SCLT1: variants seen among roughly 807,000 people sequenced by gnomAD.
The protein encoded by SCLT1 is sodium channel and clathrin linker 1, also known as sodium channel-associated protein 1.
A neutral mutation model predicts 112.8 loss-of-function variants in SCLT1; 78 were observed. The observed-to-expected ratio is 0.69, with a 90% CI of 0.58 to 0.83. The LOEUF is 0.83. Among genes scored for constraint, SCLT1 ranks in the 40% least tolerant of loss-of-function variants. SCLT1 has a pLI of 0.00. For synonymous variants in SCLT1, 257 were observed against 254.7 expected, an observed-to-expected ratio of 1.01 and a Z score of -0.09; for missense variants, 747 against 770.4, an observed-to-expected ratio of 0.97 and a Z score of 0.36.
chr4:129,027,303 T>C, intron 5 of SCLT1, among the ~76,000 whole-genome samples: 1 of 152,156 alleles, frequency 6.6e-6, no homozygotes, highest in Admixed American at 6.5e-5. Flanking sequence ...AAATCCTCAA[T>C]AAAATACTGG....
At chr4:128,998,835 A>G (rs1416530042) in intron 7 of SCLT1, among the ~76,000 whole-genome samples, 2 of 151,916 alleles carry the variant, frequency 1.3e-5, no homozygotes, top group Non-Finnish European at 2.9e-5. Context: ...TATAATTACA[A>G]TAATAGGAAT....
At chr4:128,905,902 T>C (rs192979917) in intron 18 of SCLT1, among the ~76,000 whole-genome samples, 85 of 147,540 alleles carry the variant, frequency 5.8e-4, no homozygotes, top group African/African-American at 2.0e-3. Context: ...TCATACCACT[T>C]TAAACATCTT....
At chr4:129,043,216 G>A (rs1747869482) in intron 4 of SCLT1, among the ~76,000 whole-genome samples, 179 bp downstream of exon 4, 1 of 152,150 alleles carries the variant, frequency 6.6e-6, no homozygotes, top group Non-Finnish European at 1.5e-5. Flanking sequence ...CCAGCTAGAA[G>A]AGAATCTTTA....
chr4:129,033,513 A>T lies in SCLT1; in HGVS notation c.290+5528T>A, dbSNP rs1274421625. 6.6e-5 allele frequency among the ~76,000 whole-genome samples: 10 copies of T among 150,408 alleles called. 1 individual carries two copies. The highest frequency in any genetic ancestry group is 2.2e-4 in the African/African-American group (9 of 41,126). On this transcript the variant is annotated intron_variant, in intron 5 of 20. Transcript: ENST00000281142. ...CCCAGAACTTAAAGTAAAAAAAAAA[A>T]AAAAAAAAAAAAAAAAATTCAAATA...
intron 15 of SCLT1, among the ~76,000 whole-genome samples, chr4:128,946,638 A>G (rs1342023364): frequency 6.6e-6 from 1 of 152,230 alleles, no homozygotes; most frequent in Non-Finnish European, 1.5e-5. Context: ...TAATACAAAA[A>G]TGTAAAGCAG....
chr4:128,909,851 A>ATGAGGCAGACTGCAGATAAAT (rs1734957963), intron 18 of SCLT1, among the ~76,000 whole-genome samples: 1 of 152,244 alleles, frequency 6.6e-6, no homozygotes, highest in South Asian at 2.1e-4. Context: ...TGCAGATAAA[A>ATGAGGCAGACTGCAGATAAAT]TATGGCAGAG....
At chr4:128,999,856 T>C in intron 6 of SCLT1, 62 bp from the exon 7 acceptor site, 1 of 1,119,072 alleles carries the variant, frequency 8.9e-7, no homozygotes, top group Non-Finnish European at 1.3e-6. Context: ...ATAGTACAAA[T>C]GGATCATTTT....
At chr4:128,976,689 A>G (rs1161556161) in intron 9 of SCLT1, among the ~76,000 whole-genome samples, 3 of 152,264 alleles carry the variant, frequency 2.0e-5, no homozygotes, top group East Asian at 1.9e-4. Context: ...ATAAAACATT[A>G]TGATTCTGAG....
chr4:128,885,068 CAT>C (rs1221288714), intron 20 of SCLT1, among the ~76,000 whole-genome samples: 1 of 152,192 alleles, frequency 6.6e-6, no homozygotes, highest in Admixed American at 6.5e-5. Context: ...AATTGTAAAA[CAT>C]ATTCCAGATG....
chr4:128,945,640 A>T (rs539390450), intron 16 of SCLT1, among the ~76,000 whole-genome samples: 38 of 152,126 alleles, frequency 2.5e-4, no homozygotes, highest in Non-Finnish European at 4.6e-4. Flanking sequence ...AAAATATACA[A>T]GATGGATCAT....
intron 4 of SCLT1, chr4:129,040,090 C>A: frequency 1.5e-6 from 1 of 677,866 alleles, no homozygotes; most frequent in Non-Finnish European, 2.7e-6. Flanking sequence ...GGCAGTTCTG[C>A]CAGCCTTTTT....
chr4:129,079,868 C>T (rs374517465), intron 2 of SCLT1, among the ~76,000 whole-genome samples: 1 of 152,252 alleles, frequency 6.6e-6, no homozygotes, highest in Non-Finnish European at 1.5e-5. Context: ...CTCTGAAATC[C>T]AGGCAGAAGC....
chr4:128,965,471 A>T (rs1740098110), intron 10 of SCLT1, among the ~76,000 whole-genome samples, 153 bp from the exon 11 acceptor site: 1 of 152,218 alleles, frequency 6.6e-6, no homozygotes, highest in Non-Finnish European at 1.5e-5. Flanking sequence ...TTTGGAAACA[A>T]ATCATGTGTA....
At chr4:129,080,977 C>A (rs1314320378) in intron 2 of SCLT1, among the ~76,000 whole-genome samples, 1 of 152,110 alleles carries the variant, frequency 6.6e-6, no homozygotes, top group East Asian at 1.9e-4. Context: ...CTCCTTATTG[C>A]CTTTATATGT....
At chr4:128,950,155 G>T (rs1019156035) in intron 14 of SCLT1, among the ~76,000 whole-genome samples, 3 of 152,084 alleles carry the variant, frequency 2.0e-5, no homozygotes, top group Non-Finnish European at 4.4e-5. Context: ...TTATCTAGGA[G>T]AGGGTAGTTT....
intron 15 of SCLT1, among the ~76,000 whole-genome samples, chr4:128,947,500 C>A (rs1178385286): frequency 6.6e-6 from 1 of 151,922 alleles, no homozygotes; most frequent in Admixed American, 6.6e-5. Flanking sequence ...TAGATATAGA[C>A]CATAATTTTT....
chr4:129,072,391 C>G (rs1751093686), intron 2 of SCLT1, among the ~76,000 whole-genome samples: 1 of 152,106 alleles, frequency 6.6e-6, no homozygotes, highest in Non-Finnish European at 1.5e-5. Context: ...ATTATTCCCC[C>G]AAATATTTCC....
At chr4:129,060,804 T>G (rs1346633682) in intron 2 of SCLT1, among the ~76,000 whole-genome samples, 2 of 152,196 alleles carry the variant, frequency 1.3e-5, no homozygotes, top group African/African-American at 4.8e-5. Context: ...ACTGGGTTCC[T>G]GGTGCAGGGT....
intron 9 of SCLT1, 52 bp from the exon 10 acceptor site, chr4:128,970,520 A>G: frequency 1.1e-6 from 1 of 932,066 alleles, no homozygotes; most frequent in Non-Finnish European, 1.7e-6. Flanking sequence ...CACTAAGAAT[A>G]AAAAATTAGA....
Sources: gnomAD v4.1 joint callset for allele counts (sites outside exome capture counted in the v4.1 genomes callset) on GRCh38, gnomAD v4.1.1 for gene constraint, MANE v1.5 for transcripts, NCBI Gene and HGNC (gene_info 2026-07-23, HGNC 2026-07-21) for gene names.